Variants in MYT1L observed in about 807,000 individuals in gnomAD.
MYT1L encodes myelin transcription factor 1-like protein.
Under a neutral mutation model 126.7 loss-of-function variants are expected in MYT1L, and 12 were observed. That is an observed-to-expected ratio of 0.09 (90% CI 0.06 to 0.15). The LOEUF (loss-of-function observed/expected upper bound fraction) is 0.15, where lower values mean the gene tolerates loss of function less well. MYT1L is among the 10% of genes least tolerant of loss of function. The pLI is 1.00. For missense variants in MYT1L, 979 were observed against 1,585.2 expected (o/e 0.62, Z 6.49); for synonymous variants, 541 against 604.2 (o/e 0.90, Z 1.53).
chr2:1,813,483 C>T (rs961263523), intron 21 of MYT1L, among the ~76,000 whole-genome samples: 4 of 152,164 alleles, frequency 2.6e-5, no homozygotes, highest in African/African-American at 9.6e-5. Context: ...CAGGGGTCCC[C>T]AAACTCCCGG....
chr2:1,987,942 C>A (rs1042956343), intron 5 of MYT1L, among the ~76,000 whole-genome samples: 3 of 152,208 alleles, frequency 2.0e-5, no homozygotes, highest in Non-Finnish European at 2.9e-5. Flanking sequence ...TCCTCTAGCA[C>A]GTGAGCTTTT....
intron 3 of MYT1L, among the ~76,000 whole-genome samples, chr2:2,069,438 A>T (rs1264712687): frequency 6.6e-6 from 1 of 152,144 alleles, no homozygotes; most frequent in African/African-American, 2.4e-5. Context: ...TTCATGGTGT[A>T]TATGTGCCAC....
chr2:2,106,049 CCT>C (rs1486783682), intron 3 of MYT1L, among the ~76,000 whole-genome samples: 1 of 152,020 alleles, frequency 6.6e-6, no homozygotes, highest in Admixed American at 6.5e-5. Context: ...TGATTTGTAC[CCT>C]GTTTGACCAA....
In MYT1L at chr2:1,802,696, C is replaced by T. The variant is rs74884000; in HGVS notation, c.3173-897G>A. Among the ~76,000 whole-genome samples the T allele has an allele frequency of 1.6e-4, 25 of 152,268 alleles. No individual in the cohort carries two copies. In the East Asian group the frequency reaches 4.6e-3, roughly 28 times the overall value. ...CATTCTGGACACTTGCTTCCCTGGC[C>T]GGCTGTGTCTGGTTACTGGCAACAT... On this transcript the variant is annotated intron_variant, in intron 22 of 24. Coordinates refer to ENST00000647738, the MANE Select transcript of MYT1L (RefSeq NM_001303052.2).
At chr2:2,095,459 G>A (rs1196612045) in intron 3 of MYT1L, among the ~76,000 whole-genome samples, 1 of 152,168 alleles carries the variant, frequency 6.6e-6, no homozygotes, top group Admixed American at 6.5e-5. Flanking sequence ...GAAATTAAGC[G>A]TATGCTATCC....
At chr2:2,058,271 C>T (rs1042352786) in intron 3 of MYT1L, among the ~76,000 whole-genome samples, 1 of 152,204 alleles carries the variant, frequency 6.6e-6, no homozygotes, top group African/African-American at 2.4e-5. Flanking sequence ...TTTCTTACTA[C>T]ATTGTTTTAA....
intron 3 of MYT1L, among the ~76,000 whole-genome samples, chr2:2,160,246 C>T (rs980099334): frequency 6.6e-6 from 1 of 152,124 alleles, no homozygotes; most frequent in African/African-American, 2.4e-5. Flanking sequence ...TCAGGAGATA[C>T]CAAATGTTTG....
At chr2:1,971,110 T>A (rs2059779216) in intron 8 of MYT1L, among the ~76,000 whole-genome samples, 1 of 151,952 alleles carries the variant, frequency 6.6e-6, no homozygotes, top group Non-Finnish European at 1.5e-5. Context: ...AACCCAGGAG[T>A]TCTAGGCTGC....
At chr2:1,900,689 G>A (rs760454726) in intron 14 of MYT1L, among the ~76,000 whole-genome samples, 12 of 152,208 alleles carry the variant, frequency 7.9e-5, no homozygotes, top group East Asian at 1.9e-4. Context: ...CAATACATCC[G>A]TGTAACACTT....
chr2:2,200,640 C>G (rs2093027977), intron 2 of MYT1L, among the ~76,000 whole-genome samples: 1 of 152,214 alleles, frequency 6.6e-6, no homozygotes, highest in Non-Finnish European at 1.5e-5. Flanking sequence ...CCATGGGTGA[C>G]AGCACTCTGC....
chr2:1,965,237 T>C (rs1232634853), intron 8 of MYT1L, among the ~76,000 whole-genome samples: 1 of 148,240 alleles, frequency 6.7e-6, no homozygotes, highest in Non-Finnish European at 1.5e-5. Flanking sequence ...CCAGGCACTC[T>C]GTGACTTGCA....
At chr2:2,199,092 G>T (rs12467644) in intron 2 of MYT1L, among the ~76,000 whole-genome samples, 23,118 of 152,066 alleles carry the variant, frequency 0.15, 1,803 homozygotes, top group African/African-American at 0.19. Context: ...TTTTTAGTTA[G>T]ATTATTTTAA....
At chr2:1,844,662 GA>G (rs1449457820) in intron 19 of MYT1L, among the ~76,000 whole-genome samples, 2 of 152,170 alleles carry the variant, frequency 1.3e-5, no homozygotes, top group Non-Finnish European at 2.9e-5. Context: ...CATCGGCTGT[GA>G]AAACTGGAAG....
chr2:2,204,174 G>A (rs2093207363), intron 2 of MYT1L, among the ~76,000 whole-genome samples: 1 of 152,202 alleles, frequency 6.6e-6, no homozygotes, highest in South Asian at 2.1e-4. Context: ...GAAAACCTAG[G>A]CAATATCATT....
At chr2:1,807,714 A>G (rs1028001096) in intron 22 of MYT1L, among the ~76,000 whole-genome samples, 3 of 151,764 alleles carry the variant, frequency 2.0e-5, no homozygotes, top group African/African-American at 7.2e-5. Context: ...GCCATGTGCT[A>G]TAAAGTTACT....
At chr2:2,309,271 C>T (rs1187067923) in intron 1 of MYT1L, among the ~76,000 whole-genome samples, 2 of 151,772 alleles carry the variant, frequency 1.3e-5, no homozygotes, top group Non-Finnish European at 2.9e-5. Context: ...TATACTCCAT[C>T]TACACTTCAG....
intron 5 of MYT1L, among the ~76,000 whole-genome samples, chr2:1,995,632 G>A (rs755688704): frequency 1.3e-4 from 20 of 152,182 alleles, no homozygotes; most frequent in Non-Finnish European, 2.6e-4. Context: ...CACTGCTGCC[G>A]GGTAGTGGTT....
chr2:2,169,168 C>A (rs867306685), intron 3 of MYT1L, among the ~76,000 whole-genome samples: 7 of 152,150 alleles, frequency 4.6e-5, no homozygotes, highest in Middle Eastern at 3.2e-3. Context: ...GATTTGTTCT[C>A]CAGTCTGACA....
At chr2:2,320,570 A>C (rs529853942) in intron 1 of MYT1L, among the ~76,000 whole-genome samples, 1 of 152,304 alleles carries the variant, frequency 6.6e-6, no homozygotes, top group African/African-American at 2.4e-5. Context: ...CTTGAAGAGA[A>C]ACAGCACAAC....
Sources: gnomAD v4.1 joint callset for allele counts (sites outside exome capture counted in the v4.1 genomes callset) on GRCh38, gnomAD v4.1.1 for gene constraint, MANE v1.5 for transcripts, NCBI Gene and HGNC (gene_info 2026-07-23, HGNC 2026-07-21) for gene names.